Variants in PCDH15 observed in about 807,000 individuals in gnomAD.
PCDH15 encodes the protein protocadherin related 15, also known as protocadherin-15.
Under a neutral mutation model 178.5 loss-of-function variants are expected in PCDH15, and 129 were observed. The observed-to-expected ratio is 0.72, with a 90% CI of 0.63 to 0.84. The LOEUF is 0.84. Ranked by LOEUF, PCDH15 falls within the 40% of genes least tolerant of loss-of-function variation. The pLI is 0.00. For synonymous variants in PCDH15, 800 were observed against 732.0 expected (o/e 1.09, Z -1.50); for missense variants, 2,230 against 2,099.9 (o/e 1.06, Z -1.21).
intron 8 of PCDH15, among the ~76,000 whole-genome samples, chr10:54,288,065 T>G (rs2059149118): frequency 6.6e-6 from 1 of 152,170 alleles, no homozygotes; most frequent in Non-Finnish European, 1.5e-5. Context: ...GGCTCATGCC[T>G]GTAATCTCAG....
intron 2 of PCDH15, among the ~76,000 whole-genome samples, chr10:54,904,931 A>T (rs530307058): frequency 4.2e-4 from 64 of 151,684 alleles, no homozygotes; most frequent in African/African-American, 1.5e-3. Flanking sequence ...AATTAAAATT[A>T]TATTTTTAAA....
chr10:54,811,549 C>A (rs1210161529), intron 3 of PCDH15, among the ~76,000 whole-genome samples: 1 of 152,130 alleles, frequency 6.6e-6, no homozygotes, highest in Non-Finnish European at 1.5e-5. Flanking sequence ...TGGCTCACTG[C>A]AACCTCTGCC....
intron 2 of PCDH15, among the ~76,000 whole-genome samples, chr10:54,957,588 GAAAT>G (rs1360390768): frequency 6.6e-6 from 1 of 151,506 alleles, no homozygotes; most frequent in Non-Finnish European, 1.5e-5. Flanking sequence ...GAGCAGGAAA[GAAAT>G]ACCGTAACTA....
In PCDH15 at chr10:54,834,399, G is replaced by A. The variant is rs1159686727; in HGVS notation, c.-29+63051C>T. 3.3e-5 allele frequency among the ~76,000 whole-genome samples: 5 copies of A among 151,694 alleles called. No individual in the cohort carries two copies. The East Asian group carries it at 7.8e-4, about 24-fold the overall frequency. The stretch of plus-strand genomic sequence containing the variant: ...TTGCCACGTTGGTCAGGCTGGTCTC[G>A]AACTCCTGACCTCAGGTGATTCGCC... On this transcript the variant is annotated intron_variant, in intron 3 of 5. Coordinates refer to the PCDH15 transcript ENST00000458638.
Position 53,806,987 on chromosome 10 carries a change from A to AAC in PCDH15, c.4814_4815insGT (p.Ile1605MetfsTer9), listed in dbSNP as rs1554814872. 2 of 1,613,684 alleles carry AAC rather than the reference A, an allele frequency of 1.2e-6. No homozygotes were observed. The highest frequency in any genetic ancestry group is 1.7e-6 in the Non-Finnish European group (2 of 1,179,792). The stretch of plus-strand genomic sequence containing the variant: ...TTCTCACCACAGAACCATTCTGTGC[A>AAC]ATATATATATTGCCGTTGATATTAC... On this transcript the variant is annotated frameshift_variant, in exon 38 of 38. Coordinates refer to ENST00000644397, the MANE Select transcript of PCDH15 (RefSeq NM_001384140.1). LOFTEE classifies it high-confidence loss of function.
intron 2 of PCDH15, among the ~76,000 whole-genome samples, chr10:55,549,413 A>G (rs1841959609): frequency 6.6e-6 from 1 of 152,140 alleles, no homozygotes. Flanking sequence ...CTCCAAGATG[A>G]TGGGTATGCA....
chr10:54,644,065 G>C (rs188060797), intron 2 of PCDH15, among the ~76,000 whole-genome samples: 527 of 140,478 alleles, frequency 3.8e-3, no homozygotes, highest in African/African-American at 0.013. Context: ...GAGAACATGT[G>C]GTGTTTGGTT....
intron 18 of PCDH15, among the ~76,000 whole-genome samples, chr10:54,043,921 C>A (rs1162651807): frequency 6.6e-6 from 1 of 152,072 alleles, no homozygotes; most frequent in African/African-American, 2.4e-5. Context: ...GATACCTTAC[C>A]ATCTTGTAAG....
In PCDH15 at chr10:55,601,326, G is replaced by T. The variant is rs189160592; in HGVS notation, c.-156+26299C>A. Among the ~76,000 whole-genome samples, 9 of 152,300 alleles carry T rather than the reference G, an allele frequency of 5.9e-5. No individual in the cohort carries two copies. In the East Asian group the frequency reaches 1.7e-3, roughly 29 times the overall value. On this transcript the variant is annotated intron_variant, in intron 2 of 5. Transcript: ENST00000613346. Reference sequence around the variant, plus strand: ...GCATTTGAACTGAATCTTACAGGAAGAAAGTATGGTAAGATAATTAGAGGA... The same window carrying T: ...GCATTTGAACTGAATCTTACAGGAATAAAGTATGGTAAGATAATTAGAGGA...
intron 1 of PCDH15, among the ~76,000 whole-genome samples, chr10:55,303,393 C>G (rs1413352233): frequency 6.6e-6 from 1 of 152,060 alleles, no homozygotes; most frequent in Non-Finnish European, 1.5e-5. Flanking sequence ...AAGAGATGCC[C>G]TAAGTTATCT....
At chr10:53,854,412 G>A (rs1479276532) in intron 28 of PCDH15, among the ~76,000 whole-genome samples, 1 of 151,968 alleles carries the variant, frequency 6.6e-6, no homozygotes, top group Non-Finnish European at 1.5e-5. Context: ...TTTATACTAT[G>A]TTTTTTAATC....
chr10:54,599,611 G>A (rs568202162), intron 2 of PCDH15: 123 of 313,008 alleles, frequency 3.9e-4, no homozygotes, highest in South Asian at 3.8e-3. Flanking sequence ...AGATTTCATG[G>A]AAAATATGCC....
rs7081080 is a variant in PCDH15 at position 53,815,127 on chromosome 10, A to G, written c.4491+1112T>C. Among the ~76,000 whole-genome samples the G allele has an allele frequency of 8.2e-3, 1,244 of 152,298 alleles. 13 individuals are homozygous for G. The highest frequency in any genetic ancestry group is 0.026 in the African/African-American group (1,084 of 41,564). On this transcript the variant is annotated intron_variant, in intron 35 of 37. Transcript: ENST00000644397. ...ATTCTAGATTTTAGAAAAGTATGCA[A>G]AGTAACACACTAGTGATTTTCTTGG...
At chr10:55,012,919 C>CGGCA (rs1378654665) in intron 2 of PCDH15, among the ~76,000 whole-genome samples, 1 of 152,108 alleles carries the variant, frequency 6.6e-6, no homozygotes, top group East Asian at 1.9e-4. Context: ...ATATAACCAA[C>CGGCA]TGCCTATTAA....
chr10:55,573,726 G>T lies in PCDH15; in HGVS notation c.-156+53899C>A, dbSNP rs79883488. On this transcript the variant is annotated intron_variant, in intron 2 of 5. Coordinates refer to the PCDH15 transcript ENST00000613346. The stretch of plus-strand genomic sequence containing the variant: ...ATATACTTCACACTAAGCCAATAAG[G>T]TATGCTTACTGTTTTGATGTGTTTT... Among the ~76,000 whole-genome samples the T allele has an allele frequency of 3.1e-3, 469 of 151,912 alleles. 1 individual carries two copies. Among genetic ancestry groups the T allele is most frequent in the African/African-American group, 0.01 (430 of 41,466 alleles).
At chr10:54,712,050 G>A (rs1037899316) in intron 1 of PCDH15, among the ~76,000 whole-genome samples, 7 of 151,700 alleles carry the variant, frequency 4.6e-5, no homozygotes, top group African/African-American at 9.7e-5. Flanking sequence ...GGTATTTCTC[G>A]TATATACGTA....
intron 10 of PCDH15, among the ~76,000 whole-genome samples, chr10:54,212,868 C>T (rs907584814): frequency 2.0e-5 from 3 of 152,064 alleles, no homozygotes; most frequent in Non-Finnish European, 4.4e-5. Context: ...AACTCTGCCC[C>T]TTATTAGTAA....
At chr10:53,967,716 A>G (rs1482156965) in intron 21 of PCDH15, among the ~76,000 whole-genome samples, 2 of 152,244 alleles carry the variant, frequency 1.3e-5, no homozygotes, top group African/African-American at 4.8e-5. Context: ...AGTAAACTAT[A>G]GAAAACATTT....
chr10:54,608,901 A>G (rs1004890246), intron 2 of PCDH15, among the ~76,000 whole-genome samples: 3 of 152,122 alleles, frequency 2.0e-5, no homozygotes, highest in Non-Finnish European at 4.4e-5. Context: ...AAATGAAAAT[A>G]TATTCTGAAG....
Sources: allele counts gnomAD v4.1 joint callset (sites outside exome capture counted in the v4.1 genomes callset), GRCh38; gene constraint gnomAD v4.1.1; transcripts MANE v1.5; gene names NCBI Gene and HGNC (gene_info 2026-07-23, HGNC 2026-07-21).